The following RSPH6A variants were observed in gnomAD, a reference collection of about 807,000 sequenced individuals.
The protein encoded by RSPH6A is radial spoke head protein 6 homolog A.
Under a neutral mutation model 66.1 loss-of-function variants are expected in RSPH6A, and 49 were observed. That is an observed-to-expected ratio of 0.74 (90% CI 0.59 to 0.94). The LOEUF is 0.94. RSPH6A is among the 40% of genes least tolerant of loss of function. RSPH6A has a pLI of 0.00. For missense variants in RSPH6A, 977 were observed against 948.3 expected (o/e 1.03, Z -0.40); for synonymous variants, 419 against 402.4 (o/e 1.04, Z -0.49).
chr19:45,797,601 G>A (rs2146280039), intron 5 of RSPH6A, among the ~76,000 whole-genome samples: 1 of 151,736 alleles, frequency 6.6e-6, no homozygotes. Context: ...TCCCTGCCAG[G>A]TGCGGTGGTT....
At position 45,810,692 on chromosome 19, in the gene RSPH6A, G is replaced by A; in HGVS notation, c.799C>T (p.Pro267Ser). The A allele has an allele frequency of 1.2e-6, 2 of 1,614,132 alleles. No homozygotes were observed. ...TGTTTCTCCGCCATCTTGTAGGTGG[G>A]CTGCATCTCGGGGTCGTCCCGCAGC... ...DTLRDDPEMQPTYKMAEKQKA... is the reference protein window; with the variant it reads ...DTLRDDPEMQSTYKMAEKQKA... The change falls in exon 2 of 6, where the codon CCC becomes TCC. Residue 267 changes from proline (P) to serine (S), a missense_variant. Transcript: ENST00000221538.
At chr19:45,810,922 G>T in intron 1 of RSPH6A, 82 bp from the exon 2 acceptor site, 2 of 1,170,500 alleles carry the variant, frequency 1.7e-6, no homozygotes, top group African/African-American at 1.5e-5. Context: ...CTGGCCCTGT[G>T]CCTGGTGCTG....
At chr19:45,802,574 T>G (rs2146283436) in intron 3 of RSPH6A, among the ~76,000 whole-genome samples, 1 of 148,432 alleles carries the variant, frequency 6.7e-6, no homozygotes, top group East Asian at 2.0e-4. Flanking sequence ...TGGCACAATC[T>G]TGGCTCACTG....
rs1170937851 is a variant in RSPH6A at position 45,814,577 on chromosome 19, C to G, written c.600G>C (p.Gln200His). 1.3e-6 allele frequency: 2 copies of G among 1,542,986 alleles called. No individual in the cohort carries two copies. Among genetic ancestry groups the G allele is most frequent in the African/African-American group, 2.7e-5 (2 of 72,754 alleles). ...TCTGCAGCAGGTAGGCCTTGGCGTTCTGCACGGCCAGCTCCAGAGGCTCGG... is the reference window on the plus strand; with the variant it reads ...TCTGCAGCAGGTAGGCCTTGGCGTTGTGCACGGCCAGCTCCAGAGGCTCGG... The part of the protein sequence containing the change: ...PEPEPLELAV[Q>H]NAKAYLLQTS... Residue 200 changes from glutamine to histidine, a missense_variant, in exon 1 of 6, where the codon CAG (glutamine) becomes CAC (histidine). Physicochemically the swap from Gln to His is conservative, Grantham distance 24 (BLOSUM62 0). Coordinates refer to ENST00000221538, the MANE Select transcript of RSPH6A (RefSeq NM_030785.4).
intron 5 of RSPH6A, among the ~76,000 whole-genome samples, chr19:45,800,015 G>T (rs990787109): frequency 3.9e-5 from 6 of 152,178 alleles, no homozygotes; most frequent in African/African-American, 1.4e-4. Context: ...CTACTGCACT[G>T]TTGCCCAGCC....
intron 2 of RSPH6A, among the ~76,000 whole-genome samples, chr19:45,809,833 A>G (rs1470791121): frequency 6.6e-6 from 1 of 152,246 alleles, no homozygotes; most frequent in East Asian, 1.9e-4. Flanking sequence ...TATTGCATAA[A>G]TGCCATTCAA....
chr19:45,807,379 C>T (rs1378416018), intron 2 of RSPH6A, among the ~76,000 whole-genome samples: 2 of 151,736 alleles, frequency 1.3e-5, no homozygotes, highest in African/African-American at 2.4e-5. Context: ...CCATGCCCGG[C>T]TAATTTTTTG....
rs147960270 is a variant in RSPH6A, at chr19:45,800,152, G to A, written c.1916+294C>T. Among the ~76,000 whole-genome samples, 551 of 152,326 alleles carry A rather than the reference G, an allele frequency of 3.6e-3. 1 individual carries two copies. Among genetic ancestry groups the A allele is most frequent in the Non-Finnish European group, 5.6e-3 (379 of 68,018 alleles). ...AGGGATTCTGCTGCTGTCATCAGGG[G>A]GCTGGAGATCCAGGTTCGTATCCTG... On this transcript the variant is annotated intron_variant, in intron 5 of 5. Transcript: ENST00000221538.
At position 45,802,241 on chromosome 19, in the gene RSPH6A, A is replaced by G; in HGVS notation, c.1677T>C (p.Pro559=). ...LPQGRCTWVN[P]LQKTEEEEDL... ...CCTCCTCCTCCTCTGTCTTCTGCAA[A>G]GGGTTCACCCAAGTGCAGCGGCCCT... Residue 559 remains proline (P), a synonymous_variant, in exon 4 of 6, where the codon CCT becomes CCC. Coordinates refer to ENST00000221538, the MANE Select transcript of RSPH6A (RefSeq NM_030785.4). 1 of 1,502,976 alleles carries G rather than the reference A, an allele frequency of 6.7e-7. No homozygotes were observed. 93.1% of individuals were successfully genotyped at this position (1,502,976 alleles called of 1,614,324 possible). A position where few individuals can be genotyped will look rare whatever the true frequency, so the allele number is the denominator to read the frequency against.
At chr19:45,807,436 T>A (rs1568600305) in intron 2 of RSPH6A, among the ~76,000 whole-genome samples, 1 of 151,536 alleles carries the variant, frequency 6.6e-6, no homozygotes, top group African/African-American at 2.4e-5. Context: ...AGGATGGTCT[T>A]GATCTCCTGA....
chr19:45,800,213 C>T (rs1430964487), intron 5 of RSPH6A, among the ~76,000 whole-genome samples: 1 of 152,246 alleles, frequency 6.6e-6, no homozygotes, highest in African/African-American at 2.4e-5. Context: ...CCCTCCCACT[C>T]TCTTATTCTC....
At chr19:45,797,688 T>C (rs1970423113) in intron 5 of RSPH6A, among the ~76,000 whole-genome samples, 1 of 151,052 alleles carries the variant, frequency 6.6e-6, no homozygotes, top group African/African-American at 2.4e-5. Flanking sequence ...ACCACCCTGG[T>C]GAAACCACAT....
rs533979675 is a variant in RSPH6A at position 45,806,327 on chromosome 19, AAGAC to A, written c.889-1315_889-1312del. 5.7e-4 allele frequency among the ~76,000 whole-genome samples: 87 copies of A among 152,096 alleles called. 1 individual carries two copies. The highest frequency in any genetic ancestry group is 1.0e-3 in the Non-Finnish European group (70 of 67,996). On this transcript the variant is annotated intron_variant, in intron 2 of 5. Transcript: ENST00000221538. ...AGAAGGAAAGAAAGAGAAAGACAGA[AAGAC>A]AGAGGCTCAGAAAGGGACTGAAGGC...
Position 45,795,894 on chromosome 19 carries a change from T to G in RSPH6A, c.2129A>C (p.Glu710Ala). ...TEEEEEGEEEEEGEETDD is the reference protein window; with the variant it reads ...TEEEEEGEEEAEGEETDD Reference sequence around the variant, plus strand: ...TCAGTCATCTGTCTCCTCGCCCTCCTCCTCCTCCTCGCCCTCCTCCTCCTC... The same window carrying G: ...TCAGTCATCTGTCTCCTCGCCCTCCGCCTCCTCCTCGCCCTCCTCCTCCTC... The change falls in exon 6 of 6, where the codon GAG becomes GCG. Residue 710 changes from glutamate (E) to alanine (A), a missense_variant. Glu to Ala is a moderately radical substitution (Grantham distance 107). Coordinates refer to ENST00000221538, the MANE Select transcript of RSPH6A (RefSeq NM_030785.4). 2 of 1,609,484 alleles carry G rather than the reference T, an allele frequency of 1.2e-6. No individual in the cohort carries two copies. The highest frequency in any genetic ancestry group is 1.7e-6 in the Non-Finnish European group (2 of 1,177,182).
chr19:45,805,095 G>C, intron 2 of RSPH6A, 79 bp from the exon 3 acceptor site: 1 of 1,275,950 alleles, frequency 7.8e-7, no homozygotes, highest in Non-Finnish European at 1.1e-6. Context: ...GACTCTTCTA[G>C]AGTCAAGAGA....
At position 45,800,730 on chromosome 19, in the gene RSPH6A, CCACACACACACACA is replaced by C. The variant is rs3045732; in HGVS notation, c.1799-181_1799-168del. Among the ~76,000 whole-genome samples the C allele has an allele frequency of 3.4e-3, 380 of 113,350 alleles. 3 individuals carry two copies. The highest frequency in any genetic ancestry group is 0.012 in the African/African-American group (332 of 28,738). 74.4% of individuals were successfully genotyped at this position (113,350 alleles called of 152,430 possible). On this transcript the variant is annotated intron_variant, in intron 4 of 5. Transcript: ENST00000221538. ...GCGGTGTTTGAACCCTCGCTGCAGA[CCACACACACACACA>C]CACACACACACACACACACACACAC...
Position 45,795,965 on chromosome 19 carries a change from C to T in RSPH6A, c.2058G>A (p.Glu686=). The T allele has an allele frequency of 6.2e-7, 1 of 1,613,808 alleles. No individual in the cohort carries two copies. Among genetic ancestry groups the T allele is most frequent in the Non-Finnish European group, 8.5e-7 (1 of 1,179,956 alleles). Residue 686 remains glutamate (E), a synonymous_variant, in exon 6 of 6, where the codon GAG becomes GAA. Transcript: ENST00000221538. ...GTTCCTGGGCTGCTTTCAGAGCCTG[C>T]TCCTCTTCCACTGTGGGGTCACTCA... is the stretch of plus-strand genomic sequence containing the variant. The part of the protein sequence containing the change: ...MEMSDPTVEE[E]QALKAAQEQA...
In RSPH6A at chr19:45,795,865, G is replaced by A. The variant is rs1970401703; in HGVS notation, c.*4C>T. Reference sequence around the variant, plus strand: ...GCTTGGGGAAAGTGGCTAGAGGGTGGGCCTCAGTCATCTGTCTCCTCGCCC... The same window carrying A: ...GCTTGGGGAAAGTGGCTAGAGGGTGAGCCTCAGTCATCTGTCTCCTCGCCC... On this transcript the variant is annotated 3_prime_UTR_variant, in exon 6 of 6. Coordinates refer to ENST00000221538, the MANE Select transcript of RSPH6A (RefSeq NM_030785.4). The A allele has an allele frequency of 1.5e-6, 2 of 1,356,274 alleles. No homozygotes were observed. The highest frequency in any genetic ancestry group is 1.4e-5 in the South Asian group (1 of 70,534). The allele number at this position is 1,356,274 out of a possible 1,614,324, so 84.0% of individuals were successfully genotyped here. A position where few individuals can be genotyped will look rare whatever the true frequency, so the allele number is the denominator to read the frequency against.
intron 2 of RSPH6A, among the ~76,000 whole-genome samples, chr19:45,810,198 C>A (rs1970604661): frequency 6.6e-6 from 1 of 151,940 alleles, no homozygotes; most frequent in African/African-American, 2.4e-5. Context: ...GAGACAGAGT[C>A]TCGCTCTGTT....
Sources: allele counts gnomAD v4.1 joint callset (sites outside exome capture counted in the v4.1 genomes callset), GRCh38; gene constraint gnomAD v4.1.1; transcripts MANE v1.5; gene names NCBI Gene and HGNC (gene_info 2026-07-23, HGNC 2026-07-21).